The following EML5 variants were observed in gnomAD, a reference collection of about 807,000 sequenced individuals.
EML5 encodes the protein echinoderm microtubule-associated protein-like 5.
A neutral mutation model predicts 250.0 loss-of-function variants in EML5; 120 were observed. The observed-to-expected ratio is 0.48, with a 90% CI of 0.41 to 0.56. The LOEUF is 0.56. EML5 is among the 20% of genes least tolerant of loss of function. The probability of loss-of-function intolerance (pLI) is 0.00; values close to 1 mark genes in which losing one functional copy is unlikely to be tolerated. For missense variants in EML5, 2,006 were observed against 2,437.6 expected, an observed-to-expected ratio of 0.82 and a Z score of 3.73; for synonymous variants, 771 against 806.5, an observed-to-expected ratio of 0.96 and a Z score of 0.75.
At position 88,792,648 on chromosome 14, in the gene EML5, T is replaced by C; in HGVS notation, c.-145A>G. ...AGCCGCGCCCGTCAGGTGCATCTCG[T>C]TTCGGGGGCCGCCGCCGCCTCAGCC... On this transcript the variant is annotated 5_prime_UTR_variant, in exon 1 of 44. Coordinates refer to ENST00000554922, the MANE Select transcript of EML5 (RefSeq NM_183387.3). This position sits in a 1 kb window ranked among gnomAD's most constrained non-coding sequence, Gnocchi z 6.9. The C allele has an allele frequency of 8.7e-7, 1 of 1,152,938 alleles. No homozygotes were observed. Among genetic ancestry groups the C allele is most frequent in the Non-Finnish European group, 1.1e-6 (1 of 938,376 alleles). The allele number at this position is 1,152,938 out of a possible 1,614,324, so 71.4% of individuals were successfully genotyped here. A position where few individuals can be genotyped will look rare whatever the true frequency, so the allele number is the denominator to read the frequency against.
chr14:88,722,469 A>G (rs1419316671), intron 8 of EML5, among the ~76,000 whole-genome samples: 3 of 152,180 alleles, frequency 2.0e-5, no homozygotes, highest in African/African-American at 7.2e-5. Context: ...TTGCAGGGAC[A>G]TGGATGGAGC....
At chr14:88,739,961 C>T (rs1426014000) in intron 5 of EML5, among the ~76,000 whole-genome samples, 1 of 152,060 alleles carries the variant, frequency 6.6e-6, no homozygotes, top group Admixed American at 6.6e-5. Context: ...TGCTAAAAAG[C>T]TCAAACCAAA....
intron 9 of EML5, among the ~76,000 whole-genome samples, chr14:88,713,257 TG>T (rs2093434041): frequency 6.6e-6 from 1 of 151,868 alleles, no homozygotes; most frequent in Non-Finnish European, 1.5e-5. Context: ...CTGGGCATGG[TG>T]GTGGGCACCT....
At position 88,737,768 on chromosome 14, in the gene EML5, C is replaced by T. The variant is rs192282578; in HGVS notation, c.847+1111G>A. Among the ~76,000 whole-genome samples, 435 of 152,282 alleles carry T rather than the reference C, an allele frequency of 2.9e-3. 3 individuals carry two copies. Among genetic ancestry groups the T allele is most frequent in the Non-Finnish European group, 5.0e-3 (341 of 68,020 alleles). The stretch of plus-strand genomic sequence containing the variant: ...ATCCTTCAAGACATGTACTCTTCTT[C>T]CTTCTCCCTTGTAGACAACTCTAGC... On this transcript the variant is annotated intron_variant, in intron 6 of 43. Transcript: ENST00000554922.
At chr14:88,638,787 T>C (rs2140567550) in intron 32 of EML5, 22 bp downstream of exon 32, 1 of 1,526,204 alleles carries the variant, frequency 6.6e-7, no homozygotes, top group Non-Finnish European at 8.8e-7. Flanking sequence ...AAATTGTTTC[T>C]TTTTAAAATA....
intron 27 of EML5, among the ~76,000 whole-genome samples, chr14:88,651,154 C>CTTTTTTTTTTT (rs869045980): frequency 1.8e-4 from 17 of 93,124 alleles, no homozygotes; most frequent in Admixed American, 5.4e-4. Context: ...TTGTCATTTT[C>CTTTTTTTTTTT]TTTTTTTTTT....
intron 1 of EML5, among the ~76,000 whole-genome samples, chr14:88,760,627 T>C (rs1374453399): frequency 6.6e-6 from 1 of 152,174 alleles, no homozygotes; most frequent in African/African-American, 2.4e-5. Context: ...TTTTTCCAAA[T>C]TGCTTTGGCT....
chr14:88,696,183 A>ATG (rs2093074371), intron 15 of EML5, among the ~76,000 whole-genome samples: 1 of 151,484 alleles, frequency 6.6e-6, no homozygotes, highest in African/African-American at 2.4e-5. Context: ...ATATATATAT[A>ATG]TATTTCCCTC....
intron 28 of EML5, 131 bp from the exon 29 acceptor site, chr14:88,647,086 G>C: frequency 1.3e-6 from 1 of 784,338 alleles, no homozygotes; most frequent in East Asian, 3.1e-5. Context: ...TAATATTAAA[G>C]GCCTGTTGTT....
At chr14:88,651,257 A>T (rs2091613421) in intron 27 of EML5, among the ~76,000 whole-genome samples, 1 of 151,228 alleles carries the variant, frequency 6.6e-6, no homozygotes, top group Non-Finnish European at 1.5e-5. Context: ...GTCATTTTCA[A>T]AATATTTAGC....
At chr14:88,724,760 G>A (rs1297941941) in intron 8 of EML5, among the ~76,000 whole-genome samples, 1 of 152,088 alleles carries the variant, frequency 6.6e-6, no homozygotes, top group Admixed American at 6.6e-5. Flanking sequence ...CATAAGTAAT[G>A]ACCAGGTGTT....
intron 4 of EML5, among the ~76,000 whole-genome samples, chr14:88,743,699 T>C (rs2093960614): frequency 6.6e-6 from 1 of 152,110 alleles, no homozygotes; most frequent in Non-Finnish European, 1.5e-5. Context: ...AAACTCTTCA[T>C]TTCTTTCCTA....
rs2087268408 is a variant in EML5 at position 88,614,303 on chromosome 14, G to A, written c.*1515C>T. The A allele has an allele frequency of 6.6e-6, 1 of 152,162 alleles. No homozygotes were observed. The highest frequency in any genetic ancestry group is 1.5e-5 in the Non-Finnish European group (1 of 68,024). 9.4% of individuals were successfully genotyped at this position (152,162 alleles called of 1,614,324 possible). On this transcript the variant is annotated 3_prime_UTR_variant, in exon 44 of 44. Coordinates refer to ENST00000554922, the MANE Select transcript of EML5 (RefSeq NM_183387.3). ...TTGGCTTAATTTAGGAGAATCCACT[G>A]ATGAACAAGTACCAACTTACGTTTC...
Position 88,792,558 on chromosome 14 carries a change from G to A in EML5, c.-55C>T. On this transcript the variant is annotated 5_prime_UTR_variant, in exon 1 of 44. Coordinates refer to ENST00000554922, the MANE Select transcript of EML5 (RefSeq NM_183387.3). The surrounding 1 kb of genome is among the most constrained non-coding windows in gnomAD (Gnocchi z 6.9). ...GGGCCCGCGGCGGCGACGGGAGGCG[G>A]CGGCGGCCCGGCAACGAAAGCCCTC... 6 of 1,217,902 alleles carry A rather than the reference G, an allele frequency of 4.9e-6. No individual in the cohort carries two copies. Among genetic ancestry groups the A allele is most frequent in the Non-Finnish European group, 6.2e-6 (6 of 974,024 alleles). 75.4% of individuals were successfully genotyped at this position (1,217,902 alleles called of 1,614,324 possible).
chr14:88,659,064 T>A (rs1211580275), intron 25 of EML5, among the ~76,000 whole-genome samples: 1 of 152,198 alleles, frequency 6.6e-6, no homozygotes, highest in Non-Finnish European at 1.5e-5. Context: ...TAAATAACAA[T>A]AAAGTTTAAG....
At chr14:88,675,850 T>C (rs1022015313) in intron 21 of EML5, among the ~76,000 whole-genome samples, 4 of 152,048 alleles carry the variant, frequency 2.6e-5, no homozygotes, top group Non-Finnish European at 5.9e-5. Context: ...CCCTAAATCA[T>C]CTCCCTCAAG....
chr14:88,664,441 A>G (rs1287649330), intron 23 of EML5, 52 bp downstream of exon 23: 19 of 1,492,476 alleles, frequency 1.3e-5, no homozygotes, highest in Non-Finnish European at 1.6e-5. Context: ...TAATATAGCT[A>G]TACTAAATCA....
chr14:88,732,448 A>G (rs1017439380), intron 7 of EML5, among the ~76,000 whole-genome samples: 1 of 152,168 alleles, frequency 6.6e-6, no homozygotes, highest in Non-Finnish European at 1.5e-5. Context: ...TACCAGTACC[A>G]TGCTGTTTTG....
chr14:88,649,456 G>A (rs2091517106), intron 28 of EML5, among the ~76,000 whole-genome samples: 1 of 152,146 alleles, frequency 6.6e-6, no homozygotes, highest in African/African-American at 2.4e-5. Context: ...AGATATAAAA[G>A]TAACCCAAAG....
Sources: allele counts gnomAD v4.1 joint callset (sites outside exome capture counted in the v4.1 genomes callset), GRCh38; gene constraint gnomAD v4.1.1; non-coding constraint Gnocchi (gnomAD v3.1); transcripts MANE v1.5; gene names NCBI Gene and HGNC (gene_info 2026-07-23, HGNC 2026-07-21).